Variants in KCNH8 observed in about 807,000 individuals in gnomAD.
The protein encoded by KCNH8 is voltage-gated delayed rectifier potassium channel KCNH8.
Under a neutral mutation model 103.6 loss-of-function variants are expected in KCNH8, and 70 were observed. That is an observed-to-expected ratio of 0.68 (90% CI 0.56 to 0.82). The LOEUF is 0.82. Among genes scored for constraint, KCNH8 ranks in the 40% least tolerant of loss-of-function variants. KCNH8 has a pLI of 0.00. For missense variants in KCNH8, 1,217 were observed against 1,329.9 expected, an observed-to-expected ratio of 0.92 and a Z score of 1.32; for synonymous variants, 498 against 489.4, an observed-to-expected ratio of 1.02 and a Z score of -0.23.
At chr3:19,484,223 T>C (rs1332140576) in intron 11 of KCNH8, among the ~76,000 whole-genome samples, 1 of 152,184 alleles carries the variant, frequency 6.6e-6, no homozygotes, top group Non-Finnish European at 1.5e-5. Context: ...ATAACACACA[T>C]CTGGCTGGTC....
intron 1 of KCNH8, among the ~76,000 whole-genome samples, chr3:19,193,376 ATT>A (rs2063571374): frequency 6.6e-6 from 1 of 151,616 alleles, no homozygotes; most frequent in South Asian, 2.1e-4. Context: ...CAGTCATGCC[ATT>A]CTCTCCCTTT....
chr3:19,380,180 A>G (rs558629423), intron 5 of KCNH8, among the ~76,000 whole-genome samples: 2 of 152,208 alleles, frequency 1.3e-5, no homozygotes, highest in Non-Finnish European at 2.9e-5. Context: ...TACAGGAACA[A>G]TGTCTTTCCT....
chr3:19,271,929 A>G lies in KCNH8; in HGVS notation c.311-9269A>G, dbSNP rs182326524. 9.6e-4 allele frequency among the ~76,000 whole-genome samples: 146 copies of G among 152,280 alleles called. 1 individual carries two copies. The highest frequency in any genetic ancestry group is 3.3e-3 in the African/African-American group (137 of 41,570). On this transcript the variant is annotated intron_variant, in intron 2 of 15. Transcript: ENST00000328405. Reference sequence around the variant, plus strand: ...GAAGTAACACAAATTTGTTCTGATCATCTTAAGCAAAAATAATAATTCACT... The same window carrying G: ...GAAGTAACACAAATTTGTTCTGATCGTCTTAAGCAAAAATAATAATTCACT...
At chr3:19,471,780 G>C (rs1165522922) in intron 11 of KCNH8, among the ~76,000 whole-genome samples, 1 of 152,148 alleles carries the variant, frequency 6.6e-6, no homozygotes, top group African/African-American at 2.4e-5. Flanking sequence ...CTTAGTATAA[G>C]TTTATCCATC....
At chr3:19,529,533 G>C (rs2069125211) in intron 15 of KCNH8, among the ~76,000 whole-genome samples, 1 of 152,106 alleles carries the variant, frequency 6.6e-6, no homozygotes. Flanking sequence ...CCCTTAGATA[G>C]TGGAAACACT....
intron 2 of KCNH8, among the ~76,000 whole-genome samples, chr3:19,273,279 A>G (rs1379470112): frequency 6.6e-6 from 1 of 152,208 alleles, no homozygotes; most frequent in East Asian, 1.9e-4. Flanking sequence ...AAATTTGAAG[A>G]AATCTTAAAT....
At chr3:19,190,644 T>G (rs1372921136) in intron 1 of KCNH8, among the ~76,000 whole-genome samples, 2 of 151,954 alleles carry the variant, frequency 1.3e-5, no homozygotes, top group African/African-American at 2.4e-5. Flanking sequence ...AGAAGCCTGA[T>G]GGATTTAATG....
At chr3:19,266,869 C>T (rs1415770540) in intron 2 of KCNH8, among the ~76,000 whole-genome samples, 1 of 152,112 alleles carries the variant, frequency 6.6e-6, no homozygotes, top group East Asian at 1.9e-4. Flanking sequence ...TATTTCTAGA[C>T]ATTAATTCCT....
intron 11 of KCNH8, among the ~76,000 whole-genome samples, chr3:19,463,956 AATG>A (rs1413496320): frequency 6.6e-6 from 1 of 152,148 alleles, no homozygotes; most frequent in Admixed American, 6.5e-5. Context: ...TAAGAAACAG[AATG>A]ATATCTGAAA....
chr3:19,473,821 G>A (rs926757843), intron 11 of KCNH8, among the ~76,000 whole-genome samples: 2 of 152,200 alleles, frequency 1.3e-5, no homozygotes, highest in African/African-American at 4.8e-5. Flanking sequence ...ATAAGTGAAA[G>A]AAGCAATGTC....
chr3:19,253,048 C>T (rs1363498016), intron 1 of KCNH8, among the ~76,000 whole-genome samples: 1 of 152,102 alleles, frequency 6.6e-6, no homozygotes, highest in Non-Finnish European at 1.5e-5. Flanking sequence ...TGCTTTCTCT[C>T]CCCTTTGTGG....
chr3:19,331,677 A>G (rs1386431856), intron 3 of KCNH8, among the ~76,000 whole-genome samples: 1 of 152,178 alleles, frequency 6.6e-6, no homozygotes, highest in Admixed American at 6.6e-5. Flanking sequence ...ACAATGCATA[A>G]TAGTCACATC....
chr3:19,193,851 TTTTG>T lies in KCNH8; in HGVS notation c.76+45062_76+45065del, dbSNP rs545295756. 8.2e-3 allele frequency among the ~76,000 whole-genome samples: 1,244 copies of T among 151,880 alleles called. 25 individuals carry two copies. Among genetic ancestry groups the T allele is most frequent in the African/African-American group, 0.029 (1,186 of 41,528 alleles). ...AGTATTAGCACTTCTCTCTTGTAGT[TTTTG>T]TTTGTGTGTGTGCAAAAATAAAAGA... is the stretch of plus-strand genomic sequence containing the variant. On this transcript the variant is annotated intron_variant, in intron 1 of 15. Transcript: ENST00000328405.
At chr3:19,388,229 C>T (rs1389852256) in intron 5 of KCNH8, among the ~76,000 whole-genome samples, 2 of 152,094 alleles carry the variant, frequency 1.3e-5, no homozygotes, top group Non-Finnish European at 2.9e-5. Context: ...CACTAATGAG[C>T]TTAGTAAACA....
chr3:19,419,202 T>TTG (rs2066910583), intron 7 of KCNH8, among the ~76,000 whole-genome samples: 2 of 135,712 alleles, frequency 1.5e-5, no homozygotes, highest in Admixed American at 7.2e-5. Flanking sequence ...TTGGTTTTTT[T>TTG]TTTTTTTTTT....
At chr3:19,490,431 G>A (rs1354059427) in intron 11 of KCNH8, among the ~76,000 whole-genome samples, 2 of 152,200 alleles carry the variant, frequency 1.3e-5, no homozygotes, top group African/African-American at 2.4e-5. Flanking sequence ...CAAGCAGGGA[G>A]TATGTGACTG....
At chr3:19,409,834 A>G (rs1295676736) in intron 7 of KCNH8, among the ~76,000 whole-genome samples, 1 of 152,214 alleles carries the variant, frequency 6.6e-6, no homozygotes, top group African/African-American at 2.4e-5. Context: ...TATCATAAGT[A>G]TGTACACACC....
intron 11 of KCNH8, among the ~76,000 whole-genome samples, chr3:19,460,072 T>G (rs1275870949): frequency 6.6e-6 from 1 of 152,092 alleles, no homozygotes; most frequent in African/African-American, 2.4e-5. Flanking sequence ...TATTAAAGAT[T>G]GTTCATGTCA....
At chr3:19,344,248 C>T (rs1027123201) in intron 4 of KCNH8, among the ~76,000 whole-genome samples, 2 of 152,024 alleles carry the variant, frequency 1.3e-5, no homozygotes, top group African/African-American at 4.8e-5. Context: ...AGCACCTAAA[C>T]AAATATTATC....
Sources: gnomAD v4.1 joint callset for allele counts (sites outside exome capture counted in the v4.1 genomes callset) on GRCh38, gnomAD v4.1.1 for gene constraint, MANE v1.5 for transcripts, NCBI Gene and HGNC (gene_info 2026-07-23, HGNC 2026-07-21) for gene names.